Variants in CACNA1I observed in about 807,000 individuals in gnomAD.
CACNA1I encodes voltage-dependent T-type calcium channel subunit alpha-1I.
A neutral mutation model predicts 201.6 loss-of-function variants in CACNA1I; 74 were observed. That is an observed-to-expected ratio of 0.37 (90% confidence interval 0.30 to 0.45). The LOEUF (loss-of-function observed/expected upper bound fraction) is 0.45. Among genes scored for constraint, CACNA1I ranks in the 20% least tolerant of loss-of-function variants. CACNA1I has a pLI of 1.00. For missense variants in CACNA1I, 2,346 were observed against 3,138.1 expected, an observed-to-expected ratio of 0.75 and a Z score of 6.03; for synonymous variants, 1,431 against 1,345.2, an observed-to-expected ratio of 1.06 and a Z score of -1.40.
rs1002699037 is a variant in CACNA1I at position 39,686,443 on chromosome 22, G to A, written c.*38G>A. 14 of 1,198,122 alleles carry A rather than the reference G, an allele frequency of 1.2e-5. No individual in the cohort carries two copies. Among genetic ancestry groups the A allele is most frequent in the Non-Finnish European group, 1.4e-5 (13 of 957,222 alleles). 74.2% of individuals were successfully genotyped at this position (1,198,122 alleles called of 1,614,324 possible). A position where few individuals can be genotyped will look rare whatever the true frequency, so the allele number is the denominator to read the frequency against. On this transcript the variant is annotated 3_prime_UTR_variant, in exon 37 of 37. Transcript: ENST00000402142. ...CCCCCGGCCGCCCACCGCCCGCCCC[G>A]TCTCACCTTCTTTACCTCAGGAGCC... is the stretch of plus-strand genomic sequence containing the variant.
At chr22:39,641,910 C>T (rs904400524) in intron 6 of CACNA1I, among the ~76,000 whole-genome samples, 1 of 152,154 alleles carries the variant, frequency 6.6e-6, no homozygotes, top group Non-Finnish European at 1.5e-5. Flanking sequence ...CACCTTGGGT[C>T]ATTGTTAAGA....
In CACNA1I at chr22:39,679,355, C is replaced by T. The variant is rs1935614672; in HGVS notation, c.5304C>T (p.Ser1768=). The T allele has an allele frequency of 1.3e-6, 2 of 1,538,554 alleles. No homozygotes were observed. Among genetic ancestry groups the T allele is most frequent in the Non-Finnish European group, 1.7e-6 (2 of 1,143,560 alleles). Residue 1768 remains serine (S), a synonymous_variant, in exon 32 of 37, where the codon TCC becomes TCT. Transcript: ENST00000402142. ...CTGGCCCGAGGCTGCCTACCGGCTC[C>T]CCGGGCGCCCCTGGCCGAGGGCCGG... ...LGPGPRLPTG[S]PGAPGRGPGG...
chr22:39,673,831 C>A, intron 28 of CACNA1I, 132 bp from the exon 29 acceptor site: 1 of 761,058 alleles, frequency 1.3e-6, no homozygotes, highest in Non-Finnish European at 2.1e-6. Flanking sequence ...AATGTGGTAT[C>A]TGAGAGCCAG....
intron 6 of CACNA1I, among the ~76,000 whole-genome samples, chr22:39,641,428 T>C (rs1180030362): frequency 6.6e-6 from 1 of 152,254 alleles, no homozygotes; most frequent in Non-Finnish European, 1.5e-5. Flanking sequence ...AACCCAGCTC[T>C]GGGTGTCCCC....
At chr22:39,682,437 C>G in intron 34 of CACNA1I, 59 bp from the exon 35 acceptor site, 2 of 1,442,600 alleles carry the variant, frequency 1.4e-6, no homozygotes, top group Non-Finnish European at 1.9e-6. Flanking sequence ...TCATGAGGTA[C>G]CCTTCATGAG....
At chr22:39,651,200 A>C (rs2146432842) in intron 10 of CACNA1I, among the ~76,000 whole-genome samples, 1 of 152,168 alleles carries the variant, frequency 6.6e-6, no homozygotes, top group East Asian at 1.9e-4. Flanking sequence ...GTTCGAACCA[A>C]CTTCTTTCTG....
chr22:39,588,568 G>A (rs1262290079), intron 1 of CACNA1I, among the ~76,000 whole-genome samples: 1 of 151,710 alleles, frequency 6.6e-6, no homozygotes, highest in Non-Finnish European at 1.5e-5. Context: ...TGTATTTTTA[G>A]TAGAGATGGG....
Position 39,662,811 on chromosome 22 carries a change from C to G in CACNA1I, c.3408C>G (p.Val1136=), listed in dbSNP as rs776175278. 2 of 1,601,134 alleles carry G rather than the reference C, an allele frequency of 1.2e-6. No homozygotes were observed. The highest frequency in any genetic ancestry group is 2.3e-5 in the South Asian group (2 of 88,148). ...TCCGCGTCCGCAAGATGATCGACGT[C>G]TATAAGCCCGACTGGTGCGAGGTCC... ...LCFRVRKMID[V]YKPDWCEVRE... Residue 1136 remains valine (V), a synonymous_variant, in exon 18 of 37, where the codon GTC becomes GTG. Transcript: ENST00000402142.
At chr22:39,606,896 G>A (rs2146377745) in intron 3 of CACNA1I, among the ~76,000 whole-genome samples, 1 of 152,374 alleles carries the variant, frequency 6.6e-6, no homozygotes, top group South Asian at 2.1e-4. Context: ...AGGAGGTCAT[G>A]AACTATTCAA....
intron 3 of CACNA1I, among the ~76,000 whole-genome samples, chr22:39,609,830 C>T (rs757205281): frequency 2.6e-5 from 4 of 152,240 alleles, no homozygotes; most frequent in Non-Finnish European, 5.9e-5. Context: ...AGTTTCTTCA[C>T]CCACCCTCTG....
chr22:39,577,141 G>A (rs568501801), intron 1 of CACNA1I, among the ~76,000 whole-genome samples: 44 of 152,138 alleles, frequency 2.9e-4, no homozygotes, highest in African/African-American at 9.6e-4. Flanking sequence ...TAGTAGAGAC[G>A]TGGTTTCACC....
chr22:39,680,689 A>G (rs1307003678), intron 33 of CACNA1I, among the ~76,000 whole-genome samples: 2 of 152,210 alleles, frequency 1.3e-5, no homozygotes, highest in Non-Finnish European at 2.9e-5. Flanking sequence ...AGGTCCAGGT[A>G]GCAAGATGGG....
chr22:39,608,776 C>T (rs923669332), intron 3 of CACNA1I, among the ~76,000 whole-genome samples: 7 of 151,602 alleles, frequency 4.6e-5, no homozygotes, highest in Non-Finnish European at 8.8e-5. Flanking sequence ...GCCAAGATTG[C>T]GCCACTACAC....
intron 4 of CACNA1I, among the ~76,000 whole-genome samples, chr22:39,632,143 C>G (rs983208546): frequency 6.6e-6 from 1 of 152,120 alleles, no homozygotes; most frequent in East Asian, 1.9e-4. Flanking sequence ...AAGGCCGGCC[C>G]GAGGGAGAAG....
rs750503510 is a variant in CACNA1I, at chr22:39,661,062, C to G, written c.2699-46C>G. 6.1e-6 allele frequency: 9 copies of G among 1,476,050 alleles called. No individual in the cohort carries two copies. In the South Asian group the frequency reaches 6.9e-5, roughly 11 times the overall value. 91.4% of individuals were successfully genotyped at this position (1,476,050 alleles called of 1,614,324 possible). ...GTGGCTCCCTTGCTGTTGTTCTGTCCTGTCTGCCATCTGTCCCTCCCTCTG... is the reference window on the plus strand; with the variant it reads ...GTGGCTCCCTTGCTGTTGTTCTGTCGTGTCTGCCATCTGTCCCTCCCTCTG... On this transcript the variant is annotated intron_variant, in intron 15 of 36. Transcript: ENST00000402142.
chr22:39,661,069 C>A, intron 15 of CACNA1I, 39 bp from the exon 16 acceptor site: 1 of 1,513,042 alleles, frequency 6.6e-7, no homozygotes, highest in Non-Finnish European at 9.2e-7. Context: ...GTCCTGTCTG[C>A]CATCTGTCCC....
chr22:39,655,704 C>T (rs1043921769), intron 10 of CACNA1I, among the ~76,000 whole-genome samples: 2 of 152,194 alleles, frequency 1.3e-5, no homozygotes, highest in African/African-American at 4.8e-5. Context: ...CCGCCCCTCC[C>T]TCTCCATGTC....
chr22:39,620,356 C>T (rs1413210262), intron 4 of CACNA1I, among the ~76,000 whole-genome samples: 1 of 151,926 alleles, frequency 6.6e-6, no homozygotes, highest in African/African-American at 2.4e-5. Flanking sequence ...GTCAGCCAGA[C>T]ATCCACCTGT....
Position 39,606,459 on chromosome 22 carries a change from G to A in CACNA1I, c.482+5806G>A, listed in dbSNP as rs189891163. ...TCAGGATAGTGAGTCCTGTGGCACC[G>A]CACTAGACTCTTCCAGTGTGTGACA... On this transcript the variant is annotated intron_variant, in intron 3 of 36. Coordinates refer to ENST00000402142, the MANE Select transcript of CACNA1I (RefSeq NM_021096.4). Among the ~76,000 whole-genome samples, 446 of 152,282 alleles carry A rather than the reference G, an allele frequency of 2.9e-3. 2 individuals are homozygous for A. The highest frequency in any genetic ancestry group is 9.9e-3 in the African/African-American group (411 of 41,570).
Sources: gnomAD v4.1 joint callset for allele counts (sites outside exome capture counted in the v4.1 genomes callset) on GRCh38, gnomAD v4.1.1 for gene constraint, MANE v1.5 for transcripts, NCBI Gene and HGNC (gene_info 2026-07-23, HGNC 2026-07-21) for gene names.